The following MMP24 variants were observed in gnomAD, a reference collection of about 807,000 sequenced individuals.
The protein encoded by MMP24 is matrix metallopeptidase 24, also known as matrix metalloproteinase-24.
In MMP24, 25 loss-of-function variants were observed where a neutral mutation model predicts 62.8. The ratio of observed to expected loss-of-function variants is 0.40; its 90% confidence interval spans 0.29 to 0.56. MMP24 has a LOEUF of 0.56. Ranked by LOEUF, MMP24 falls within the 20% of genes least tolerant of loss-of-function variation. The pLI, the probability that MMP24 is intolerant of heterozygous loss-of-function variation, is 0.50. For synonymous variants in MMP24, 319 were observed against 350.5 expected, an observed-to-expected ratio of 0.91 and a Z score of 1.00; for missense variants, 634 against 853.6, an observed-to-expected ratio of 0.74 and a Z score of 3.21.
intron 1 of MMP24, among the ~76,000 whole-genome samples, chr20:35,237,018 G>A (rs2060467017): frequency 6.6e-6 from 1 of 151,968 alleles, no homozygotes; most frequent in East Asian, 1.9e-4. Flanking sequence ...AGTTGGTGGG[G>A]GAGCTGGGAA....
chr20:35,260,306 C>T (rs1455452634), intron 4 of MMP24, among the ~76,000 whole-genome samples: 1 of 152,254 alleles, frequency 6.6e-6, no homozygotes, highest in African/African-American at 2.4e-5. Context: ...ACCCAAACCA[C>T]AGGCCTCTTT....
In MMP24 at chr20:35,271,201, C is replaced by T. The variant is rs927139285; in HGVS notation, c.1334-368C>T. Among the ~76,000 whole-genome samples, 1 of 152,130 alleles carries T rather than the reference C, an allele frequency of 6.6e-6. No homozygotes were observed. Among genetic ancestry groups the T allele is most frequent in the African/African-American group, 2.4e-5 (1 of 41,410 alleles). On this transcript the variant is annotated intron_variant, in intron 7 of 8. Coordinates refer to ENST00000246186, the MANE Select transcript of MMP24 (RefSeq NM_006690.4). The surrounding 1 kb of genome is among the most constrained non-coding windows in gnomAD (Gnocchi z 4.0). The stretch of plus-strand genomic sequence containing the variant: ...TGGGGAGCCAGCCAATGCAGAGCTG[C>T]CGGTAGGCCGAGGGAGGTCAGGGTT...
intron 5 of MMP24, among the ~76,000 whole-genome samples, chr20:35,265,379 T>C (rs1260926711): frequency 1.3e-5 from 2 of 151,584 alleles, no homozygotes; most frequent in Non-Finnish European, 2.9e-5. Flanking sequence ...GAGGCGGAGG[T>C]TGCAGTGAGC....
chr20:35,257,046 G>A lies in MMP24; in HGVS notation c.817+2292G>A, dbSNP rs145953604. 1.8e-3 allele frequency among the ~76,000 whole-genome samples: 270 copies of A among 152,306 alleles called. 3 individuals carry two copies. The highest frequency in any genetic ancestry group is 3.4e-3 in the Middle Eastern group (1 of 294). On this transcript the variant is annotated intron_variant, in intron 4 of 8. Transcript: ENST00000246186. ...TCCTGCCCTGCGGCTGCTCCAGGCT[G>A]AGAGCAGACTCTCAAAGCTGGTTTG...
chr20:35,227,068 G>A, intron 1 of MMP24, 84 bp downstream of exon 1: 2 of 958,074 alleles, frequency 2.1e-6, no homozygotes, highest in Non-Finnish European at 2.5e-6. Flanking sequence ...GCCTGGGCCG[G>A]GCCGCACCTA....
In MMP24 at chr20:35,271,243, A is replaced by T. The variant is rs1379673936; in HGVS notation, c.1334-326A>T. 6.6e-6 allele frequency among the ~76,000 whole-genome samples: 1 copy of T among 152,204 alleles called. No individual in the cohort carries two copies. Among genetic ancestry groups the T allele is most frequent in the Non-Finnish European group, 1.5e-5 (1 of 68,026 alleles). ...GTCAGGGTTTCTGGCTCTGCTGCTC[A>T]GGTCCAGTGGGAGAGCCTCAGAGTC... On this transcript the variant is annotated intron_variant, in intron 7 of 8. Transcript: ENST00000246186. This position sits in a 1 kb window ranked among gnomAD's most constrained non-coding sequence, Gnocchi z 4.0.
intron 5 of MMP24, among the ~76,000 whole-genome samples, chr20:35,265,154 T>C (rs1275681418): frequency 2.0e-5 from 3 of 152,288 alleles, no homozygotes; most frequent in East Asian, 3.9e-4. Context: ...GCTTTTGTAA[T>C]TGTGAAGCAA....
rs57309455 is a variant in MMP24 at position 35,264,707 on chromosome 20, CAAAAAAAAAA to C, written c.979+777_979+786del. Among the ~76,000 whole-genome samples the C allele has an allele frequency of 4.8e-4, 21 of 43,538 alleles. No homozygotes were observed. In the East Asian group the frequency reaches 0.016, roughly 33 times the overall value. 28.6% of individuals were successfully genotyped at this position (43,538 alleles called of 152,430 possible). On this transcript the variant is annotated intron_variant, in intron 5 of 8. Transcript: ENST00000246186. The stretch of plus-strand genomic sequence containing the variant: ...TGGGCAACAGGGCGAGACTCCGTCT[CAAAAAAAAAA>C]AAAAAAAAAAAAAAAAAAAAAGAAA...
intron 5 of MMP24, 200 bp downstream of exon 5, chr20:35,264,152 T>C: frequency 3.8e-6 from 2 of 522,224 alleles, no homozygotes; most frequent in Admixed American, 4.1e-5. Flanking sequence ...CTGGGAAACC[T>C]AGGGGAGGGT....
Position 35,254,645 on chromosome 20 carries a change from TGGA to T in MMP24, c.710_712del (p.Gly237del). On this transcript the variant is annotated inframe_deletion, in exon 4 of 9. Coordinates refer to ENST00000246186, the MANE Select transcript of MMP24 (RefSeq NM_006690.4). ...TCCATGGCGACAGCTCCCCATTTGATGGAGAAGGGGGATTCCTGGCCCATGCCT... is the reference window on the plus strand; with the variant it reads ...TCCATGGCGACAGCTCCCCATTTGATGAAGGGGGATTCCTGGCCCATGCCT... 6.2e-7 allele frequency: 1 copy of T among 1,614,126 alleles called. No homozygotes were observed. The highest frequency in any genetic ancestry group is 8.5e-7 in the Non-Finnish European group (1 of 1,180,020).
intron 1 of MMP24, among the ~76,000 whole-genome samples, chr20:35,235,065 G>A (rs145875332): frequency 2.0e-4 from 31 of 152,304 alleles, no homozygotes; most frequent in South Asian, 2.1e-4. Flanking sequence ...TTTTTAACAT[G>A]ACTTACAGGT....
At chr20:35,235,639 A>G (rs555440952) in intron 1 of MMP24, among the ~76,000 whole-genome samples, 1 of 152,314 alleles carries the variant, frequency 6.6e-6, no homozygotes, top group East Asian at 1.9e-4. Context: ...CGGAGGTTGC[A>G]GTGAGCCAAA....
In MMP24 at chr20:35,237,984, A is replaced by G. The variant is rs114261213; in HGVS notation, c.247-8856A>G. On this transcript the variant is annotated intron_variant, in intron 1 of 8. Transcript: ENST00000246186. ...TTGTAAGCATTAAGCCAATATAGCA[A>G]TGGATGAGGAAGAATGATCTTAGGC... Among the ~76,000 whole-genome samples the G allele has an allele frequency of 7.7e-3, 1,172 of 152,316 alleles. 14 individuals carry two copies. Among genetic ancestry groups the G allele is most frequent in the African/African-American group, 0.026 (1,082 of 41,568 alleles).
At chr20:35,259,415 CCTGGGGCAGCGAGCATGTGCA>C (rs1474130534) in intron 4 of MMP24, among the ~76,000 whole-genome samples, 1 of 152,104 alleles carries the variant, frequency 6.6e-6, no homozygotes, top group Non-Finnish European at 1.5e-5. Flanking sequence ...AACCCACAGT[CCTGGGGCAGCGAGCATGTGCA>C]CTAGTGGCAA....
At chr20:35,228,559 G>A (rs770843046) in intron 1 of MMP24, among the ~76,000 whole-genome samples, 2 of 152,178 alleles carry the variant, frequency 1.3e-5, no homozygotes, top group Non-Finnish European at 2.9e-5. Flanking sequence ...GCCCCCATTG[G>A]TTTGTGTGAC....
chr20:35,239,539 A>C (rs1274983423), intron 1 of MMP24, among the ~76,000 whole-genome samples: 1 of 152,126 alleles, frequency 6.6e-6, no homozygotes, highest in Non-Finnish European at 1.5e-5. Context: ...TTGGTAAAAG[A>C]CTAGTGTGCT....
intron 4 of MMP24, among the ~76,000 whole-genome samples, chr20:35,258,439 C>A (rs946469796): frequency 6.6e-6 from 1 of 152,032 alleles, no homozygotes; most frequent in Non-Finnish European, 1.5e-5. Context: ...CTCTTAAAGC[C>A]CTTTTTATTT....
rs1268879117 is a variant in MMP24 at position 35,275,368 on chromosome 20, G to A, written c.*759G>A. On this transcript the variant is annotated 3_prime_UTR_variant, in exon 9 of 9. Coordinates refer to ENST00000246186, the MANE Select transcript of MMP24 (RefSeq NM_006690.4). ...AGGTGAACTAGAGGTGACTGTCTTGGTGATGAGGCCAGCATAGCGGCCCTC... is the reference window on the plus strand; with the variant it reads ...AGGTGAACTAGAGGTGACTGTCTTGATGATGAGGCCAGCATAGCGGCCCTC... The A allele has an allele frequency of 6.6e-6, 1 of 152,222 alleles. No individual in the cohort carries two copies. The highest frequency in any genetic ancestry group is 1.5e-5 in the Non-Finnish European group (1 of 68,098). The allele number at this position is 152,222 out of a possible 1,614,324, so 9.4% of individuals were successfully genotyped here. A position where few individuals can be genotyped will look rare whatever the true frequency, so the allele number is the denominator to read the frequency against.
intron 1 of MMP24, among the ~76,000 whole-genome samples, chr20:35,240,103 G>A (rs1056808548): frequency 2.0e-5 from 3 of 152,154 alleles, no homozygotes; most frequent in Admixed American, 6.5e-5. Flanking sequence ...ATACTTGTAG[G>A]CACTGCCAGA....
Sources: gnomAD v4.1 joint callset for allele counts (sites outside exome capture counted in the v4.1 genomes callset) on GRCh38, gnomAD v4.1.1 for gene constraint, Gnocchi (gnomAD v3.1) non-coding constraint, MANE v1.5 for transcripts, NCBI Gene and HGNC (gene_info 2026-07-23, HGNC 2026-07-21) for gene names.